The following FBXL13 variants were observed in gnomAD, a reference collection of about 807,000 sequenced individuals.
FBXL13 encodes F-box and leucine rich repeat protein 13.
In FBXL13, 67 loss-of-function variants were observed where a neutral mutation model predicts 83.6. That is an observed-to-expected ratio of 0.80 (90% CI 0.66 to 0.98). FBXL13 has a LOEUF of 0.98. Among genes scored for constraint, FBXL13 ranks in the 50% least tolerant of loss-of-function variants. The pLI is 0.00. For missense variants in FBXL13, 822 were observed against 866.5 expected (o/e 0.95, Z 0.64); for synonymous variants, 272 against 299.5 (o/e 0.91, Z 0.95).
At chr7:102,857,046 GA>G (rs1207709838) in intron 16 of FBXL13, among the ~76,000 whole-genome samples, 2 of 151,994 alleles carry the variant, frequency 1.3e-5, no homozygotes, top group Non-Finnish European at 2.9e-5. Context: ...CTAGAAGAAT[GA>G]AACTAGACTC....
chr7:103,013,978 CA>C (rs1051122753), intron 6 of FBXL13, among the ~76,000 whole-genome samples: 2 of 151,924 alleles, frequency 1.3e-5, no homozygotes, highest in African/African-American at 2.4e-5. Flanking sequence ...CCCAGAAATA[CA>C]AAAAACCCTC....
At chr7:102,862,325 T>C (rs1806982897) in intron 16 of FBXL13, among the ~76,000 whole-genome samples, 1 of 128,632 alleles carries the variant, frequency 7.8e-6, no homozygotes, top group African/African-American at 3.1e-5. Flanking sequence ...GGAGAATCTG[T>C]CTCAAAAAAA....
intron 18 of FBXL13, among the ~76,000 whole-genome samples, chr7:102,829,998 T>C (rs1800374031): frequency 6.6e-6 from 1 of 152,198 alleles, no homozygotes; most frequent in African/African-American, 2.4e-5. Context: ...ATTCAGATGG[T>C]AAAGCTAAAT....
chr7:103,074,596 A>G (rs1020111893), upstream of FBXL13: 19 of 1,248,060 alleles, frequency 1.5e-5, no homozygotes, highest in South Asian at 6.4e-5. Flanking sequence ...CTCCTCCCCA[A>G]TCCCGAAACC....
chr7:102,928,357 T>C (rs1050997503), intron 9 of FBXL13, among the ~76,000 whole-genome samples: 1 of 152,208 alleles, frequency 6.6e-6, no homozygotes, highest in Non-Finnish European at 1.5e-5. Context: ...TATGAATTTG[T>C]CCACAATGTA....
chr7:102,937,964 A>G (rs1820660104), intron 8 of FBXL13, among the ~76,000 whole-genome samples: 1 of 152,222 alleles, frequency 6.6e-6, no homozygotes, highest in Non-Finnish European at 1.5e-5. Context: ...TAGGGGACCT[A>G]ATATGTGCCC....
At chr7:102,856,897 C>G (rs1331784686) in intron 16 of FBXL13, among the ~76,000 whole-genome samples, 1 of 152,122 alleles carries the variant, frequency 6.6e-6, no homozygotes, top group African/African-American at 2.4e-5. Context: ...TAGGTTTATA[C>G]CCAAAAACAG....
chr7:102,838,091 C>T (rs1221482086), intron 17 of FBXL13, among the ~76,000 whole-genome samples: 1 of 152,190 alleles, frequency 6.6e-6, no homozygotes, highest in Non-Finnish European at 1.5e-5. Flanking sequence ...TCACTCGGTT[C>T]AGTAACTGCC....
At chr7:102,830,287 A>G (rs1436574149) in intron 18 of FBXL13, among the ~76,000 whole-genome samples, 1 of 152,018 alleles carries the variant, frequency 6.6e-6, no homozygotes, top group African/African-American at 2.4e-5. Context: ...TCATTCTCCT[A>G]CTTTCTGCTT....
intron 1 of FBXL13, among the ~76,000 whole-genome samples, chr7:103,062,958 T>C (rs1798062503): frequency 6.6e-6 from 1 of 152,218 alleles, no homozygotes; most frequent in Non-Finnish European, 1.5e-5. Flanking sequence ...CCCCCTCAGC[T>C]GACCACTCTT....
chr7:103,038,965 A>AT (rs761653383), intron 2 of FBXL13, among the ~76,000 whole-genome samples: 90 of 152,334 alleles, frequency 5.9e-4, no homozygotes, highest in Non-Finnish European at 1.0e-3. Context: ...TGGATGGAGA[A>AT]TGAGTTTGAC....
chr7:102,977,868 A>G (rs990068643), intron 6 of FBXL13, among the ~76,000 whole-genome samples: 1 of 152,140 alleles, frequency 6.6e-6, no homozygotes, highest in Non-Finnish European at 1.5e-5. Flanking sequence ...AACACTGCAT[A>G]TTCTCACTCA....
intron 17 of FBXL13, among the ~76,000 whole-genome samples, chr7:102,851,489 TCTTCTC>T (rs1442844846): frequency 4.1e-5 from 4 of 96,494 alleles, no homozygotes; most frequent in Non-Finnish European, 5.8e-5. Flanking sequence ...TCCCTTTCCT[TCTTCTC>T]CTTCTCCTTC....
At chr7:102,811,765 T>G (rs1797450067), downstream of FBXL13, among the ~76,000 whole-genome samples, 1 of 152,192 alleles carries the variant, frequency 6.6e-6, no homozygotes, top group Admixed American at 6.5e-5. Context: ...TAGGTTAAAA[T>G]CATACTCTTA....
intron 2 of FBXL13, among the ~76,000 whole-genome samples, chr7:103,037,146 T>C (rs1795152164): frequency 6.6e-6 from 1 of 152,222 alleles, no homozygotes. Context: ...CTTCATTACT[T>C]CCACACTTTA....
chr7:103,047,721 G>A (rs898451108), intron 2 of FBXL13, among the ~76,000 whole-genome samples: 1 of 152,128 alleles, frequency 6.6e-6, no homozygotes, highest in African/African-American at 2.4e-5. Flanking sequence ...TTGAGATGGA[G>A]TCTTGCTCTG....
intron 11 of FBXL13, among the ~76,000 whole-genome samples, chr7:102,896,258 T>C (rs1457110822): frequency 6.6e-6 from 1 of 152,116 alleles, no homozygotes; most frequent in Non-Finnish European, 1.5e-5. Context: ...GACTTGGGTT[T>C]TTAAAGGATG....
At chr7:102,830,489 C>G (rs917314089) in intron 18 of FBXL13, among the ~76,000 whole-genome samples, 5 of 152,202 alleles carry the variant, frequency 3.3e-5, no homozygotes, top group Non-Finnish European at 7.3e-5. Flanking sequence ...CTTGACCCAG[C>G]TCACTAATAG....
chr7:103,032,557 C>T (rs1158094287), intron 2 of FBXL13, among the ~76,000 whole-genome samples: 2 of 152,156 alleles, frequency 1.3e-5, no homozygotes, highest in Non-Finnish European at 1.5e-5. Flanking sequence ...CAGACAAGGA[C>T]CATATATTTG....
Sources: allele counts gnomAD v4.1 joint callset (sites outside exome capture counted in the v4.1 genomes callset), GRCh38; gene constraint gnomAD v4.1.1; transcripts MANE v1.5; gene names NCBI Gene and HGNC (gene_info 2026-07-23, HGNC 2026-07-21).